MEIKIN: variants seen among roughly 807,000 people sequenced by gnomAD.
MEIKIN encodes the protein meiosis-specific kinetochore protein.
At chr5:131,917,209 T>C (rs755048229) in intron 6 of MEIKIN, among the ~76,000 whole-genome samples, 1 of 152,162 alleles carries the variant, frequency 6.6e-6, no homozygotes, top group East Asian at 1.9e-4. Flanking sequence ...ACAACAATCC[T>C]GTCAGGTAAA....
At chr5:131,840,490 C>T (rs1428330055) in intron 11 of MEIKIN, among the ~76,000 whole-genome samples, 1 of 152,176 alleles carries the variant, frequency 6.6e-6, no homozygotes, top group Non-Finnish European at 1.5e-5. Flanking sequence ...ACCAGTGTGT[C>T]ATAGATTTGC....
intron 8 of MEIKIN, among the ~76,000 whole-genome samples, chr5:131,891,211 G>T (rs1327559580): frequency 1.3e-5 from 2 of 152,172 alleles, no homozygotes; most frequent in Non-Finnish European, 2.9e-5. Context: ...GGGGTGGCGA[G>T]TTCTGTAGAT....
At chr5:131,815,552 T>C (rs1366816339) in intron 12 of MEIKIN, among the ~76,000 whole-genome samples, 2 of 152,198 alleles carry the variant, frequency 1.3e-5, no homozygotes, top group African/African-American at 4.8e-5. Flanking sequence ...CTAATTCTAT[T>C]AAACTGGAAG....
At chr5:131,812,161 G>A (rs865833397) in intron 12 of MEIKIN, among the ~76,000 whole-genome samples, 48 of 152,086 alleles carry the variant, frequency 3.2e-4, no homozygotes, top group Admixed American at 1.2e-3. Flanking sequence ...ACTCTACTGG[G>A]TCTGGCACCC....
At chr5:131,864,284 T>C (rs1750344777) in intron 9 of MEIKIN, among the ~76,000 whole-genome samples, 1 of 152,234 alleles carries the variant, frequency 6.6e-6, no homozygotes, top group Non-Finnish European at 1.5e-5. Flanking sequence ...TTTTCTGTAG[T>C]AGAATCATTT....
intron 12 of MEIKIN, among the ~76,000 whole-genome samples, chr5:131,814,279 T>A (rs1773059616): frequency 1.3e-4 from 1 of 7,580 alleles, no homozygotes; most frequent in Admixed American, 1.0e-3. Context: ...TGGACAGATC[T>A]TTTTTTTTTT....
chr5:131,843,170 C>G (rs1749948425), intron 11 of MEIKIN, among the ~76,000 whole-genome samples: 1 of 152,266 alleles, frequency 6.6e-6, no homozygotes, highest in Non-Finnish European at 1.5e-5. Context: ...CAGCAAGGCC[C>G]TGGGCCTGGT....
intron 11 of MEIKIN, among the ~76,000 whole-genome samples, chr5:131,819,765 ATTTTTTTT>A (rs1167213249): frequency 1.1e-4 from 7 of 64,570 alleles, no homozygotes; most frequent in African/African-American, 2.3e-4. Context: ...ACATCCAGCT[ATTTTTTTT>A]TTTTTTTTTT....
intron 9 of MEIKIN, among the ~76,000 whole-genome samples, chr5:131,872,720 A>C: frequency 6.6e-6 from 1 of 152,242 alleles, no homozygotes; most frequent in Non-Finnish European, 1.5e-5. Context: ...GGTGAAATGA[A>C]GGAAAAAATG....
chr5:131,871,721 C>T (rs1203162067), intron 9 of MEIKIN, among the ~76,000 whole-genome samples: 1 of 152,118 alleles, frequency 6.6e-6, no homozygotes. Flanking sequence ...CCCTGACCTC[C>T]GAGTAGCCTA....
At chr5:131,887,741 G>T (rs1202849939) in intron 8 of MEIKIN, among the ~76,000 whole-genome samples, 1 of 151,110 alleles carries the variant, frequency 6.6e-6, no homozygotes, top group African/African-American at 2.4e-5. Flanking sequence ...AAGTTTTAGG[G>T]TACATGTGCA....
At chr5:131,843,701 A>G (rs1293667558) in intron 11 of MEIKIN, among the ~76,000 whole-genome samples, 2 of 152,174 alleles carry the variant, frequency 1.3e-5, no homozygotes, top group Non-Finnish European at 2.9e-5. Flanking sequence ...CTCTGTCCAT[A>G]TCACTATCAG....
At chr5:131,828,496 A>G (rs1020696656) in intron 11 of MEIKIN, among the ~76,000 whole-genome samples, 1 of 152,172 alleles carries the variant, frequency 6.6e-6, no homozygotes, top group East Asian at 1.9e-4. Flanking sequence ...AATTGAGGAA[A>G]TCTTCCAGAG....
chr5:131,808,976 T>C (rs1025139923), intron 12 of MEIKIN, among the ~76,000 whole-genome samples: 10 of 152,268 alleles, frequency 6.6e-5, no homozygotes, highest in Admixed American at 3.3e-4. Context: ...CGTGGCAGAA[T>C]CGCTGGAGCC....
Position 131,945,413 on chromosome 5 carries a change from G to C in MEIKIN, c.93C>G (p.Ala31=), listed in dbSNP as rs652839. The C allele has an allele frequency of 0.25, 100,983 of 399,036 alleles. 14,260 individuals carry two copies. The highest frequency in any genetic ancestry group is 0.5 in the East Asian group (14,106 of 28,036). The allele number at this position is 399,036 out of a possible 1,614,324, so 24.7% of individuals were successfully genotyped here. Residue 31 remains alanine (A), a synonymous_variant, in exon 1 of 13, where the codon GCC becomes GCG. Transcript: ENST00000442687. ...PTPDLGSPAK[A]EAPPGSKRKG... ...TTGAGCCTGTACCTGGCGGGGCCTC[G>C]GCCTTCGCTGGAGAGCCTAGGTCTG...
rs1386591669 is a variant in MEIKIN, at chr5:131,851,320, C to T, written c.919G>A (p.Val307Ile). ...ACAGGAACAATTTCATTTGAATTAA[C>T]ATAATTGCTGACATTTGGAAATAGT... ...EELFPNVSNY[V>I]NSNEIVPVSS... Residue 307 changes from valine (V) to isoleucine (I), a missense_variant, in exon 11 of 13, where the codon GTT (valine) becomes ATT (isoleucine). Physicochemically the swap from Val to Ile is conservative, Grantham distance 29 (BLOSUM62 3). Transcript: ENST00000442687. The T allele has an allele frequency of 1.5e-5, 6 of 398,060 alleles. No individual in the cohort carries two copies. The highest frequency in any genetic ancestry group is 4.4e-5 in the Admixed American group (1 of 22,686). 24.7% of individuals were successfully genotyped at this position (398,060 alleles called of 1,614,324 possible). A position where few individuals can be genotyped will look rare whatever the true frequency, so the allele number is the denominator to read the frequency against.
chr5:131,889,681 T>C (rs1750871268), intron 8 of MEIKIN, among the ~76,000 whole-genome samples: 1 of 152,230 alleles, frequency 6.6e-6, no homozygotes, highest in Non-Finnish European at 1.5e-5. Flanking sequence ...ACTTCCTCTT[T>C]TCCTAATTGA....
At chr5:131,898,590 G>A (rs1244472099) in intron 8 of MEIKIN, among the ~76,000 whole-genome samples, 1 of 152,244 alleles carries the variant, frequency 6.6e-6, no homozygotes, top group Non-Finnish European at 1.5e-5. Context: ...CCCAGTTCGA[G>A]CTTCCCAGCC....
intron 8 of MEIKIN, among the ~76,000 whole-genome samples, chr5:131,899,581 T>G (rs56081930): frequency 0.25 from 38,349 of 150,824 alleles, 5,104 homozygotes; most frequent in East Asian, 0.48. Flanking sequence ...GTGATCTGTT[T>G]TCTTCAAGAA....
Sources: allele counts gnomAD v4.1 joint callset (sites outside exome capture counted in the v4.1 genomes callset), GRCh38; gene constraint gnomAD v4.1.1; transcripts MANE v1.5; gene names NCBI Gene and HGNC (gene_info 2026-07-23, HGNC 2026-07-21).